MOBP: variants seen among roughly 807,000 people sequenced by gnomAD.
MOBP encodes myelin-associated oligodendrocyte basic protein.
MOBP carries 5 observed loss-of-function variants against 15.0 expected under a neutral mutation model. That is an observed-to-expected ratio of 0.33 (90% confidence interval 0.17 to 0.70). MOBP has a LOEUF of 0.70. Ranked by LOEUF, MOBP falls within the 30% of genes least tolerant of loss-of-function variation. MOBP has a pLI of 0.67. For synonymous variants in MOBP, 88 were observed against 99.0 expected (o/e 0.89, Z 0.66); for missense variants, 188 against 257.8 (o/e 0.73, Z 1.85).
exon 5 of MOBP, chr3:39,515,746 T>A (rs886196369): frequency 6.6e-6 from 1 of 152,256 alleles, no homozygotes; most frequent in South Asian, 2.1e-4. Context: ...TGCTCAAATA[T>A]CGTCTCAGAG....
At chr3:39,483,650 GA>G (rs1197678932) in intron 2 of MOBP, among the ~76,000 whole-genome samples, 1 of 152,052 alleles carries the variant, frequency 6.6e-6, no homozygotes, top group African/African-American at 2.4e-5. Flanking sequence ...CATCATTCAG[GA>G]AAAAATTATA....
downstream of MOBP, chr3:39,525,757 A>G (rs191543189): frequency 6.5e-6 from 1 of 153,178 alleles, no homozygotes; most frequent in East Asian, 1.9e-4. Context: ...TCAGAGTGCC[A>G]CGCCCCCAGA....
At position 39,502,966 on chromosome 3, in the gene MOBP, C is replaced by CT; in HGVS notation, c.*88dup. The CT allele has an allele frequency of 4.6e-6, 3 of 656,890 alleles. 1 individual carries two copies. The highest frequency in any genetic ancestry group is 7.7e-6 in the Non-Finnish European group (3 of 389,648). The allele number at this position is 656,890 out of a possible 1,614,324, so 40.7% of individuals were successfully genotyped here. On this transcript the variant is annotated 3_prime_UTR_variant, in exon 4 of 4. Transcript: ENST00000684792. This position sits in a 1 kb window ranked among gnomAD's most constrained non-coding sequence, Gnocchi z 6.3. Reference sequence around the variant, plus strand: ...AACACCGGGCTGTCTCCATGGCCCTCTTCAGCCTTATTACCCAACCTGTGT... The same window carrying CT: ...AACACCGGGCTGTCTCCATGGCCCTCTTTCAGCCTTATTACCCAACCTGTGT...
At chr3:39,527,567 C>T (rs2043337285), downstream of MOBP, 1 of 151,694 alleles carries the variant, frequency 6.6e-6, no homozygotes, top group Non-Finnish European at 1.5e-5. Context: ...AAATGATTCT[C>T]CTGCCTCAGC....
chr3:39,512,177 A>G (rs1388676055), intron 4 of MOBP, among the ~76,000 whole-genome samples: 1 of 152,178 alleles, frequency 6.6e-6, no homozygotes, highest in East Asian at 1.9e-4. Flanking sequence ...CATTACCATC[A>G]ATGTGGCTGC....
intron 2 of MOBP, among the ~76,000 whole-genome samples, chr3:39,501,013 G>C (rs2125654811): frequency 6.6e-6 from 1 of 152,250 alleles, no homozygotes; most frequent in African/African-American, 2.4e-5. Context: ...CATTCTACCT[G>C]CTTCTCAGCT....
chr3:39,469,082 G>T lies in MOBP; in HGVS notation c.-89+1342G>T, dbSNP rs28764178. 5.4e-5 allele frequency among the ~76,000 whole-genome samples: 2 copies of T among 36,838 alleles called. 1 individual carries two copies. Among genetic ancestry groups the T allele is most frequent in the Non-Finnish European group, 9.4e-5 (2 of 21,328 alleles). 24.2% of individuals were successfully genotyped at this position (36,838 alleles called of 152,430 possible). A position where few individuals can be genotyped will look rare whatever the true frequency, so the allele number is the denominator to read the frequency against. On this transcript the variant is annotated intron_variant, in intron 1 of 3. Transcript: ENST00000684792. The stretch of plus-strand genomic sequence containing the variant: ...TATACATATATACATATGTGTGTGT[G>T]TATATACATATATACATATGTGTGT...
At chr3:39,480,171 G>A (rs1033205331) in intron 2 of MOBP, 48 bp downstream of exon 2, 10 of 152,084 alleles carry the variant, frequency 6.6e-5, no homozygotes, top group African/African-American at 2.2e-4. Context: ...CTAAATTTTT[G>A]CATAATGATG....
At chr3:39,490,348 T>A (rs2042777304) in intron 2 of MOBP, among the ~76,000 whole-genome samples, 1 of 152,222 alleles carries the variant, frequency 6.6e-6, no homozygotes, top group East Asian at 1.9e-4. Flanking sequence ...TTTATTGCTC[T>A]CAAGGGCATT....
chr3:39,495,994 G>T (rs917368273), intron 2 of MOBP, among the ~76,000 whole-genome samples: 7 of 151,700 alleles, frequency 4.6e-5, no homozygotes, highest in Admixed American at 1.3e-4. Flanking sequence ...AACGGTAAGA[G>T]AACACTACAG....
intron 2 of MOBP, among the ~76,000 whole-genome samples, chr3:39,490,075 T>A (rs1479382792): frequency 3.3e-5 from 5 of 152,192 alleles, no homozygotes. Context: ...ATATGCAAGA[T>A]CTCCCCACTT....
chr3:39,519,965 T>C (rs1340287608), downstream of MOBP, among the ~76,000 whole-genome samples: 1 of 152,096 alleles, frequency 6.6e-6, no homozygotes, highest in Non-Finnish European at 1.5e-5. Context: ...ATCTGTTTTT[T>C]TTTTTTTTTT....
chr3:39,506,246 A>G (rs928150577), downstream of MOBP, among the ~76,000 whole-genome samples: 2 of 152,114 alleles, frequency 1.3e-5, no homozygotes, highest in Non-Finnish European at 2.9e-5. Flanking sequence ...ACCTTAGACA[A>G]ATTTTAAAAA....
At chr3:39,521,054 A>G (rs929769710) in intron 3 of MOBP, among the ~76,000 whole-genome samples, 2 of 151,946 alleles carry the variant, frequency 1.3e-5, no homozygotes, top group Admixed American at 6.6e-5. Flanking sequence ...GGCTCAAGCA[A>G]TTCTCATGCC....
chr3:39,515,149 C>T (rs2043183907), exon 5 of MOBP: 1 of 152,484 alleles, frequency 6.6e-6, no homozygotes, highest in Non-Finnish European at 1.5e-5. Flanking sequence ...TGTATGCTGA[C>T]ACACCCCCTT....
chr3:39,526,476 G>A (rs1049137420), downstream of MOBP: 7 of 152,140 alleles, frequency 4.6e-5, no homozygotes, highest in Non-Finnish European at 1.0e-4. Context: ...TTTAAGGATT[G>A]GTTCTGAGGA....
chr3:39,487,109 TAA>T (rs60627931), intron 2 of MOBP, among the ~76,000 whole-genome samples: 19 of 145,362 alleles, frequency 1.3e-4, no homozygotes, highest in South Asian at 4.4e-4. Context: ...CCCAGCTAAT[TAA>T]AAAAAAAAAA....
At chr3:39,525,704 A>G (rs2043315719), downstream of MOBP, 1 of 152,722 alleles carries the variant, frequency 6.5e-6, no homozygotes. Context: ...AGAGAATGCC[A>G]CAGAGTATGA....
At chr3:39,475,970 C>A (rs1355558446) in intron 1 of MOBP, among the ~76,000 whole-genome samples, 1 of 152,112 alleles carries the variant, frequency 6.6e-6, no homozygotes, top group Non-Finnish European at 1.5e-5. Context: ...ATATCTGACA[C>A]TGAGTAATTT....
Sources: gnomAD v4.1 joint callset for allele counts (sites outside exome capture counted in the v4.1 genomes callset) on GRCh38, gnomAD v4.1.1 for gene constraint, Gnocchi (gnomAD v3.1) non-coding constraint, MANE v1.5 for transcripts, NCBI Gene and HGNC (gene_info 2026-07-23, HGNC 2026-07-21) for gene names.